CSTPP1: variants seen among roughly 807,000 people sequenced by gnomAD.
CSTPP1 encodes the protein UPF0705 protein C11orf49.
At chr11:47,086,564 A>G in the CSTPP1 span, among the ~76,000 whole-genome samples, 2 of 152,056 alleles carry the variant, frequency 1.3e-5, no homozygotes, top group Non-Finnish European at 2.9e-5. Context: ...AAGGGAAGGG[A>G]CAGGAGGCGA....
At chr11:47,017,806 T>C in the CSTPP1 span, among the ~76,000 whole-genome samples, 1,793 of 152,206 alleles carry the variant, frequency 0.012, 17 homozygotes, top group Non-Finnish European at 0.018. Context: ...TAGCTGGGAT[T>C]ATAAGCAGAC....
At chr11:46,936,943 T>G in the CSTPP1 span, 164 of 737,798 alleles carry the variant, frequency 2.2e-4, no homozygotes, top group Non-Finnish European at 2.6e-4. Flanking sequence ...CTGAGTGGGA[T>G]CGGGTCCGGG....
the CSTPP1 span, among the ~76,000 whole-genome samples, chr11:46,960,059 G>A: frequency 2.3e-4 from 35 of 152,140 alleles, no homozygotes; most frequent in African/African-American, 5.8e-4. Flanking sequence ...TAGAGACAGC[G>A]TTTCACCATG....
chr11:47,038,685 C>T, the CSTPP1 span, among the ~76,000 whole-genome samples: 17 of 115,782 alleles, frequency 1.5e-4, no homozygotes, highest in South Asian at 2.9e-4. Flanking sequence ...GGGGGCTGAC[C>T]CCCCCACCTC....
the CSTPP1 span, among the ~76,000 whole-genome samples, chr11:47,140,284 TA>T: frequency 6.6e-6 from 1 of 152,150 alleles, no homozygotes; most frequent in African/African-American, 2.4e-5. Context: ...GAGATTTGGA[TA>T]TTTTTTTTCT....
the CSTPP1 span, among the ~76,000 whole-genome samples, chr11:46,941,477 T>C: frequency 5.8e-4 from 89 of 152,248 alleles, no homozygotes; most frequent in African/African-American, 2.0e-3. Flanking sequence ...GTAGCTGGGA[T>C]TACAGGCACC....
At chr11:47,059,976 T>A in the CSTPP1 span, among the ~76,000 whole-genome samples, 3 of 151,766 alleles carry the variant, frequency 2.0e-5, no homozygotes, top group Non-Finnish European at 4.4e-5. Context: ...TGGTGGTGCA[T>A]GCCTGTAGTC....
At chr11:46,950,637 A>G in the CSTPP1 span, among the ~76,000 whole-genome samples, 1 of 151,530 alleles carries the variant, frequency 6.6e-6, no homozygotes, top group East Asian at 1.9e-4. Context: ...TTTGAGGTGG[A>G]GTCTCACTTT....
chr11:46,978,162 A>G, the CSTPP1 span, among the ~76,000 whole-genome samples: 1 of 152,216 alleles, frequency 6.6e-6, no homozygotes, highest in East Asian at 1.9e-4. Flanking sequence ...TAAAAGATAA[A>G]TGAGTCATGG....
At chr11:46,952,722 CTCTGTG>C in the CSTPP1 span, among the ~76,000 whole-genome samples, 1 of 152,186 alleles carries the variant, frequency 6.6e-6, no homozygotes, top group African/African-American at 2.4e-5. Flanking sequence ...CCTGTCATTT[CTCTGTG>C]TCACTTCCTG....
At chr11:47,144,668 GC>G in the CSTPP1 span, among the ~76,000 whole-genome samples, 1 of 152,108 alleles carries the variant, frequency 6.6e-6, no homozygotes, top group Middle Eastern at 3.2e-3. Context: ...CTTGTGATTG[GC>G]CTGCAGGCTC....
the CSTPP1 span, among the ~76,000 whole-genome samples, chr11:47,086,232 T>TA: frequency 0.41 from 12,922 of 31,436 alleles, 3,013 homozygotes; most frequent in East Asian, 0.81. Context: ...CTACTAAAAA[T>TA]CCAAAAAAAA....
At chr11:46,936,954 T>A in the CSTPP1 span, 1 of 837,142 alleles carries the variant, frequency 1.2e-6, no homozygotes, top group Non-Finnish European at 1.5e-6. Flanking sequence ...CGGGTCCGGG[T>A]GGTATGGGGA....
At chr11:47,118,365 G>C in the CSTPP1 span, among the ~76,000 whole-genome samples, 1 of 152,064 alleles carries the variant, frequency 6.6e-6, no homozygotes, top group African/African-American at 2.4e-5. Flanking sequence ...CTTTTTTCAA[G>C]GTTTTTAGCT....
chr11:46,943,951 G>A, the CSTPP1 span, among the ~76,000 whole-genome samples: 1 of 152,168 alleles, frequency 6.6e-6, no homozygotes, highest in African/African-American at 2.4e-5. Context: ...AGCCCAGGAG[G>A]TCAAGGCTGC....
chr11:47,024,469 A>G, the CSTPP1 span, among the ~76,000 whole-genome samples: 73 of 151,728 alleles, frequency 4.8e-4, 2 homozygotes, highest in East Asian at 1.9e-4. Context: ...ATTAAAGTCT[A>G]TTGTCTGTAG....
the CSTPP1 span, among the ~76,000 whole-genome samples, chr11:47,048,429 C>T: frequency 6.6e-6 from 1 of 151,810 alleles, no homozygotes; most frequent in Non-Finnish European, 1.5e-5. Flanking sequence ...AGGCTTGAGA[C>T]CAGCCTGGGC....
the CSTPP1 span, among the ~76,000 whole-genome samples, chr11:47,117,528 G>A: frequency 6.6e-6 from 1 of 152,118 alleles, no homozygotes; most frequent in South Asian, 2.1e-4. Context: ...TCCCTTTGTG[G>A]GTAACTCAAC....
the CSTPP1 span, among the ~76,000 whole-genome samples, chr11:46,963,851 CTAGCTA>C: frequency 6.6e-6 from 1 of 150,682 alleles, no homozygotes; most frequent in Non-Finnish European, 1.5e-5. Flanking sequence ...GCTAGACCAA[CTAGCTA>C]TGACCAATTA....
Sources: gnomAD v4.1 joint callset for allele counts (sites outside exome capture counted in the v4.1 genomes callset) on GRCh38, gnomAD v4.1.1 for gene constraint, MANE v1.5 for transcripts, NCBI Gene and HGNC (gene_info 2026-07-23, HGNC 2026-07-21) for gene names.